The following ADGRL2 variants were observed in gnomAD, a reference collection of about 807,000 sequenced individuals.
ADGRL2 encodes the protein adhesion G protein-coupled receptor L2, also known as calcium-independent alpha-latrotoxin receptor 2.
A neutral mutation model predicts 157.4 loss-of-function variants in ADGRL2; 44 were observed. The ratio of observed to expected loss-of-function variants is 0.28; its 90% CI spans 0.22 to 0.36. The LOEUF is 0.36. Ranked by LOEUF, ADGRL2 falls within the 10% of genes least tolerant of loss-of-function variation. ADGRL2 has a pLI of 1.00. For missense variants in ADGRL2, 1,510 were observed against 1,768.9 expected (o/e 0.85, Z 2.63); for synonymous variants, 585 against 624.7 (o/e 0.94, Z 0.95).
Position 81,528,374 on chromosome 1 carries a change from C to T in ADGRL2, c.-247-52502C>T, listed in dbSNP as rs567072548. 3.3e-5 allele frequency among the ~76,000 whole-genome samples: 5 copies of T among 151,754 alleles called. No individual in the cohort carries two copies. The South Asian group carries it at 6.2e-4, about 19-fold the overall frequency. Reference sequence around the variant, plus strand: ...GAATAGAAACTGACCCGGCCCGGCGCGGTGGCTCACGCCTGTAATCCCAGC... The same window carrying T: ...GAATAGAAACTGACCCGGCCCGGCGTGGTGGCTCACGCCTGTAATCCCAGC... On this transcript the variant is annotated intron_variant, in intron 2 of 24. Transcript: ENST00000370721.
intron 1 of ADGRL2, among the ~76,000 whole-genome samples, chr1:81,760,264 A>G (rs564676926): frequency 6.6e-6 from 1 of 152,216 alleles, no homozygotes; most frequent in Non-Finnish European, 1.5e-5. Flanking sequence ...ATGAAAAGGA[A>G]ATATCTGATT....
At chr1:81,767,664 G>T (rs1196850897) in intron 2 of ADGRL2, among the ~76,000 whole-genome samples, 3 of 151,936 alleles carry the variant, frequency 2.0e-5, no homozygotes, top group African/African-American at 7.3e-5. Flanking sequence ...TTAAATCCAG[G>T]AGTTCGAGAT....
chr1:81,607,256 A>G (rs139294192), intron 3 of ADGRL2, among the ~76,000 whole-genome samples: 361 of 152,326 alleles, frequency 2.4e-3, no homozygotes, highest in Non-Finnish European at 3.9e-3. Flanking sequence ...AACCAAAACT[A>G]TATTAACCAA....
intron 3 of ADGRL2, among the ~76,000 whole-genome samples, chr1:81,616,654 T>TC: frequency 9.6e-6 from 1 of 104,710 alleles, no homozygotes; most frequent in South Asian, 3.3e-4. Flanking sequence ...GGGTTTTTTT[T>TC]TTTTCTTTTC....
At chr1:81,879,030 T>G (rs2093916707) in intron 2 of ADGRL2, among the ~76,000 whole-genome samples, 2 of 152,204 alleles carry the variant, frequency 1.3e-5, no homozygotes, top group South Asian at 2.1e-4. Context: ...TAGCAAACAA[T>G]GAAATGAAAA....
At chr1:81,888,664 G>A (rs1206396370) in intron 2 of ADGRL2, among the ~76,000 whole-genome samples, 1 of 152,118 alleles carries the variant, frequency 6.6e-6, no homozygotes, top group Non-Finnish European at 1.5e-5. Context: ...AGTAGACCCA[G>A]GATGTTCTCG....
chr1:81,356,835 C>T (rs1245071220), intron 1 of ADGRL2, among the ~76,000 whole-genome samples: 2 of 151,444 alleles, frequency 1.3e-5, no homozygotes, highest in Non-Finnish European at 1.5e-5. Flanking sequence ...AGCCTGTAGT[C>T]CCAGCTACTC....
At chr1:81,509,844 T>C (rs1482549578) in intron 2 of ADGRL2, among the ~76,000 whole-genome samples, 1 of 152,182 alleles carries the variant, frequency 6.6e-6, no homozygotes, top group African/African-American at 2.4e-5. Context: ...CAGCAGCCAC[T>C]CTGAATGGTA....
intron 1 of ADGRL2, among the ~76,000 whole-genome samples, chr1:81,429,113 T>C (rs546744219): frequency 7.0e-6 from 1 of 142,804 alleles, no homozygotes; most frequent in Admixed American, 7.4e-5. Context: ...ATTTGTGAAC[T>C]ACCCATGAGG....
chr1:81,729,175 A>G (rs1013688328), intron 1 of ADGRL2, among the ~76,000 whole-genome samples: 6 of 151,452 alleles, frequency 4.0e-5, no homozygotes, highest in Admixed American at 2.0e-4. Flanking sequence ...CCATCATTTA[A>G]AAGTCTTTTA....
At chr1:81,647,407 G>T (rs777296339) in intron 3 of ADGRL2, among the ~76,000 whole-genome samples, 20 of 152,072 alleles carry the variant, frequency 1.3e-4, no homozygotes, top group Non-Finnish European at 2.6e-4. Flanking sequence ...AACTTTTTGA[G>T]CCCCAACATA....
intron 1 of ADGRL2, among the ~76,000 whole-genome samples, chr1:81,364,512 TC>T (rs2076030869): frequency 9.4e-6 from 1 of 106,354 alleles, no homozygotes; most frequent in South Asian, 3.7e-4. Context: ...TAAAAACAGT[TC>T]TTTTGAATAC....
At chr1:81,763,157 A>G (rs987697403) in intron 2 of ADGRL2, among the ~76,000 whole-genome samples, 1 of 152,114 alleles carries the variant, frequency 6.6e-6, no homozygotes, top group African/African-American at 2.4e-5. Flanking sequence ...TAATAAATAG[A>G]TATTGTTTTT....
upstream of ADGRL2, among the ~76,000 whole-genome samples, chr1:81,697,453 GC>G (rs1451944755): frequency 1.3e-5 from 2 of 152,040 alleles, no homozygotes; most frequent in Non-Finnish European, 2.9e-5. Flanking sequence ...CACTTTTTTT[GC>G]CAGTGATTTG....
intron 1 of ADGRL2, among the ~76,000 whole-genome samples, chr1:81,737,837 C>T (rs762487370): frequency 5.3e-5 from 8 of 152,152 alleles, no homozygotes; most frequent in Admixed American, 5.2e-4. Context: ...ATTAAAACAA[C>T]GCATGTCTCT....
chr1:81,351,555 A>C (rs181090134), intron 1 of ADGRL2, among the ~76,000 whole-genome samples: 11 of 152,196 alleles, frequency 7.2e-5, no homozygotes, highest in African/African-American at 2.6e-4. Flanking sequence ...TAAATGGACA[A>C]GTTATCTGGC....
At chr1:81,835,785 A>G (rs1571547366) in intron 1 of ADGRL2, among the ~76,000 whole-genome samples, 1 of 152,220 alleles carries the variant, frequency 6.6e-6, no homozygotes, top group East Asian at 1.9e-4. Context: ...TTAGGGAAGC[A>G]TTTACATCTC....
intron 1 of ADGRL2, among the ~76,000 whole-genome samples, chr1:81,723,815 G>A (rs2084418720): frequency 6.7e-6 from 1 of 149,324 alleles, no homozygotes; most frequent in Non-Finnish European, 1.5e-5. Flanking sequence ...ATCTCACCCT[G>A]TGGTGAAGGG....
chr1:81,789,423 A>AC (rs2149410232), intron 2 of ADGRL2, among the ~76,000 whole-genome samples: 1 of 152,230 alleles, frequency 6.6e-6, no homozygotes, highest in East Asian at 1.9e-4. Flanking sequence ...CATTTTGAAA[A>AC]CTTTTTTTAA....
Sources: gnomAD v4.1 joint callset for allele counts (sites outside exome capture counted in the v4.1 genomes callset) on GRCh38, gnomAD v4.1.1 for gene constraint, MANE v1.5 for transcripts, NCBI Gene and HGNC (gene_info 2026-07-23, HGNC 2026-07-21) for gene names.